SNX7: variants seen among roughly 807,000 people sequenced by gnomAD.
SNX7 encodes the protein sorting nexin-7.
Under a neutral mutation model 48.4 loss-of-function variants are expected in SNX7, and 35 were observed. That is an observed-to-expected ratio of 0.72 (90% CI 0.55 to 0.96). SNX7 has a LOEUF of 0.96. SNX7 is among the 40% of genes least tolerant of loss of function. The pLI, the probability that SNX7 is intolerant of heterozygous loss-of-function variation, is 0.00. For synonymous variants in SNX7, 190 were observed against 190.2 expected (o/e 1.00, Z 0.01); for missense variants, 553 against 548.9 (o/e 1.01, Z -0.07).
intron 8 of SNX7, among the ~76,000 whole-genome samples, chr1:98,753,363 A>G (rs1654682433): frequency 1.3e-5 from 2 of 152,224 alleles, no homozygotes; most frequent in South Asian, 4.1e-4. Context: ...AGAAAGGAAG[A>G]TGTTAATTCA....
chr1:98,715,862 A>G (rs530664119), intron 7 of SNX7, among the ~76,000 whole-genome samples: 64 of 152,186 alleles, frequency 4.2e-4, no homozygotes, highest in Middle Eastern at 6.8e-3. Context: ...AGGTATCACT[A>G]TCCAAGACCT....
intron 2 of SNX7, among the ~76,000 whole-genome samples, chr1:98,688,081 A>C (rs191762554): frequency 5.6e-4 from 85 of 152,322 alleles, no homozygotes; most frequent in Non-Finnish European, 1.0e-3. Context: ...AATATTTTGA[A>C]GGAAAAATAT....
intron 1 of SNX7, among the ~76,000 whole-genome samples, chr1:98,677,891 A>G (rs1233062730): frequency 1.3e-5 from 2 of 152,028 alleles, no homozygotes; most frequent in East Asian, 1.9e-4. Flanking sequence ...AAAAAAAAAA[A>G]AAAGAAATAG....
Position 98,704,340 on chromosome 1 carries a change from A to G in SNX7, c.1125+2437A>G, listed in dbSNP as rs74453753. 6.7e-3 allele frequency among the ~76,000 whole-genome samples: 1,020 copies of G among 152,318 alleles called. 24 individuals are homozygous for G. The highest frequency in any genetic ancestry group is 0.04 in the Admixed American group (606 of 15,286). ...GTTTCAAAACAGACACATTTAACAG[A>G]GAGATTGCAGGTATTTTTTTGTTTA... On this transcript the variant is annotated intron_variant, in intron 7 of 8. Transcript: ENST00000306121.
chr1:98,753,240 C>G (rs1265667843), intron 8 of SNX7, among the ~76,000 whole-genome samples: 2 of 152,098 alleles, frequency 1.3e-5, no homozygotes, highest in Non-Finnish European at 2.9e-5. Context: ...CTATAATGTT[C>G]TGTATTTCAA....
intron 1 of SNX7, among the ~76,000 whole-genome samples, chr1:98,673,261 C>G (rs981184752): frequency 3.2e-4 from 48 of 152,190 alleles, no homozygotes; most frequent in African/African-American, 1.1e-3. Flanking sequence ...TGTCTTCTTT[C>G]TGTTCCTCAA....
intron 1 of SNX7, among the ~76,000 whole-genome samples, chr1:98,665,557 A>G (rs1176831860): frequency 6.6e-6 from 1 of 152,138 alleles, no homozygotes; most frequent in Non-Finnish European, 1.5e-5. Context: ...TTTTGAAAAA[A>G]ATCACTCATT....
intron 7 of SNX7, among the ~76,000 whole-genome samples, chr1:98,721,418 G>A (rs1652865675): frequency 6.6e-6 from 1 of 152,080 alleles, no homozygotes; most frequent in Non-Finnish European, 1.5e-5. Context: ...AGTATTGTGA[G>A]CTGTCTTGTA....
intron 6 of SNX7, among the ~76,000 whole-genome samples, 200 bp downstream of exon 6, chr1:98,699,105 TC>T: frequency 1.3e-5 from 2 of 152,188 alleles, no homozygotes; most frequent in Non-Finnish European, 2.9e-5. Context: ...GCAGGAATAC[TC>T]AATAGCAACA....
chr1:98,735,468 T>C (rs1653727100), intron 7 of SNX7, among the ~76,000 whole-genome samples: 1 of 152,120 alleles, frequency 6.6e-6, no homozygotes, highest in Admixed American at 6.6e-5. Context: ...TGATCATACA[T>C]ATTTAAGGCA....
chr1:98,687,587 G>A (rs550672237), intron 2 of SNX7, among the ~76,000 whole-genome samples: 1 of 152,204 alleles, frequency 6.6e-6, no homozygotes, highest in African/African-American at 2.4e-5. Context: ...TCAGTGATCA[G>A]GATAGGTCTG....
intron 7 of SNX7, among the ~76,000 whole-genome samples, chr1:98,725,630 C>T (rs1035696048): frequency 6.6e-6 from 1 of 152,114 alleles, no homozygotes; most frequent in African/African-American, 2.4e-5. Context: ...GATTGCTAGA[C>T]AGCTTTTTTT....
chr1:98,693,935 T>C (rs1335193046), intron 4 of SNX7, among the ~76,000 whole-genome samples: 2 of 152,236 alleles, frequency 1.3e-5, no homozygotes, highest in Non-Finnish European at 2.9e-5. Flanking sequence ...TTTTTGTTTG[T>C]ATTTGTTCTT....
intron 2 of SNX7, among the ~76,000 whole-genome samples, chr1:98,689,165 A>G (rs1398733852): frequency 6.6e-6 from 1 of 152,124 alleles, no homozygotes; most frequent in Non-Finnish European, 1.5e-5. Context: ...GGCCTCCCAA[A>G]ATGCTGGGAT....
chr1:98,738,401 T>C lies in SNX7; in HGVS notation c.1278+12T>C, dbSNP rs1331726898. The C allele has an allele frequency of 6.2e-7, 1 of 1,609,972 alleles. No homozygotes were observed. Among genetic ancestry groups the C allele is most frequent in the Non-Finnish European group, 8.5e-7 (1 of 1,177,298 alleles). On this transcript the variant is annotated intron_variant, in intron 8 of 8. Transcript: ENST00000306121. Reference sequence around the variant, plus strand: ...ATTATTATGAACAGGTAATTAGTGTTGTTTGATATTGCTTCATTTTAAAGT... The same window carrying C: ...ATTATTATGAACAGGTAATTAGTGTCGTTTGATATTGCTTCATTTTAAAGT...
At chr1:98,668,256 A>G (rs1570481528) in intron 1 of SNX7, among the ~76,000 whole-genome samples, 1 of 152,234 alleles carries the variant, frequency 6.6e-6, no homozygotes, top group Non-Finnish European at 1.5e-5. Flanking sequence ...ACCAGTATAC[A>G]CAAATGACAT....
At position 98,693,727 on chromosome 1, in the gene SNX7, A is replaced by G. The variant is rs190410207; in HGVS notation, c.640-1791A>G. Among the ~76,000 whole-genome samples, 232 of 152,348 alleles carry G rather than the reference A, an allele frequency of 1.5e-3. 3 individuals carry two copies. Among genetic ancestry groups the G allele is most frequent in the Non-Finnish European group, 2.0e-3 (136 of 68,026 alleles). On this transcript the variant is annotated intron_variant, in intron 4 of 8. Transcript: ENST00000306121. ...TTGGAAATAAACAAGTTTACTTTGT[A>G]TGTATTCTGCAAGATATTCAGGAAT...
Position 98,679,591 on chromosome 1 carries a change from A to G in SNX7, c.181-5294A>G, listed in dbSNP as rs909844591. On this transcript the variant is annotated intron_variant, in intron 1 of 8. Transcript: ENST00000306121. ...TATCAAAAGGTTAGTCACTTCCTAG[A>G]TACAATGGGGGTACAGACATTGGGT... 2.6e-5 allele frequency among the ~76,000 whole-genome samples: 4 copies of G among 152,326 alleles called. No homozygotes were observed. In the South Asian group the frequency reaches 8.3e-4, roughly 32 times the overall value.
intron 1 of SNX7, among the ~76,000 whole-genome samples, chr1:98,664,806 T>G (rs1306529536): frequency 6.6e-6 from 1 of 152,006 alleles, no homozygotes; most frequent in East Asian, 1.9e-4. Context: ...CAGAGGACAT[T>G]GATTTAAAAG....
Sources: allele counts gnomAD v4.1 joint callset (sites outside exome capture counted in the v4.1 genomes callset), GRCh38; gene constraint gnomAD v4.1.1; transcripts MANE v1.5; gene names NCBI Gene and HGNC (gene_info 2026-07-23, HGNC 2026-07-21).